Variants in EML4 observed in about 807,000 individuals in gnomAD.
EML4 encodes EMAP like 4.
A neutral mutation model predicts 129.0 loss-of-function variants in EML4; 72 were observed. The ratio of observed to expected loss-of-function variants is 0.56; its 90% CI spans 0.46 to 0.68. The LOEUF (loss-of-function observed/expected upper bound fraction) is 0.68. Among genes scored for constraint, EML4 ranks in the 30% least tolerant of loss-of-function variants. The pLI is 0.00. For missense variants in EML4, 1,363 were observed against 1,190.6 expected (o/e 1.14, Z -2.13); for synonymous variants, 532 against 405.0 (o/e 1.31, Z -3.77).
chr2:42,169,742 C>G, intron 1 of EML4, 106 bp downstream of exon 1: 1 of 1,305,084 alleles, frequency 7.7e-7, no homozygotes, highest in Non-Finnish European at 1.0e-6. Flanking sequence ...GGGGTGGCAG[C>G]GGCTCCACTG....
At chr2:42,312,575 A>G (rs987379376) in intron 17 of EML4, among the ~76,000 whole-genome samples, 19 of 147,352 alleles carry the variant, frequency 1.3e-4, no homozygotes, top group African/African-American at 4.6e-4. Context: ...TTTTTTTTAG[A>G]CGGGGTCTTG....
chr2:42,303,526 G>T (rs1008230888), intron 16 of EML4, 80 bp downstream of exon 16: 2 of 1,486,076 alleles, frequency 1.3e-6, no homozygotes, highest in African/African-American at 2.8e-5. Context: ...AAGTAAAAAG[G>T]ACTAAGTGTT....
At chr2:42,260,241 C>T (rs1185023480) in intron 3 of EML4, among the ~76,000 whole-genome samples, 2 of 152,264 alleles carry the variant, frequency 1.3e-5, no homozygotes, top group East Asian at 1.9e-4. Flanking sequence ...AATCTCCGCT[C>T]ACTGCAAACT....
At chr2:42,229,048 A>C (rs915839415) in intron 1 of EML4, among the ~76,000 whole-genome samples, 14 of 152,282 alleles carry the variant, frequency 9.2e-5, no homozygotes, top group African/African-American at 3.4e-4. Flanking sequence ...ATTAGAAACT[A>C]AGTTTTAGTA....
At chr2:42,316,127 A>G in intron 18 of EML4, 77 bp downstream of exon 18, 1 of 951,112 alleles carries the variant, frequency 1.1e-6, no homozygotes, top group Non-Finnish European at 1.7e-6. Flanking sequence ...TACTTCTAAT[A>G]AGGCTGACTA....
chr2:42,255,680 T>A (rs933750469), intron 2 of EML4, among the ~76,000 whole-genome samples: 1 of 152,166 alleles, frequency 6.6e-6, no homozygotes, highest in Non-Finnish European at 1.5e-5. Flanking sequence ...AAAAAATAAA[T>A]GCAGCAGGTC....
At chr2:42,237,370 T>G (rs1351702890) in intron 1 of EML4, among the ~76,000 whole-genome samples, 2 of 152,028 alleles carry the variant, frequency 1.3e-5, no homozygotes, top group Admixed American at 6.5e-5. Flanking sequence ...TATTTTATGG[T>G]TTTTTTGGTG....
At chr2:42,206,851 G>T (rs976389842) in intron 1 of EML4, among the ~76,000 whole-genome samples, 3 of 152,148 alleles carry the variant, frequency 2.0e-5, no homozygotes, top group Admixed American at 6.5e-5. Flanking sequence ...GACAGTCCTG[G>T]ATTCAAATTC....
At chr2:42,270,698 G>A (rs933772827) in intron 6 of EML4, among the ~76,000 whole-genome samples, 4 of 152,176 alleles carry the variant, frequency 2.6e-5, no homozygotes, top group Non-Finnish European at 4.4e-5. Context: ...CTGAGAGAGT[G>A]TGCAGTTTGA....
chr2:42,225,520 G>A (rs1341925799), intron 1 of EML4, among the ~76,000 whole-genome samples: 1 of 152,148 alleles, frequency 6.6e-6, no homozygotes, highest in Non-Finnish European at 1.5e-5. Context: ...AGTAAGTCTT[G>A]CTGAATTATT....
At chr2:42,283,395 G>C (rs867103500) in intron 8 of EML4, among the ~76,000 whole-genome samples, 132 of 152,276 alleles carry the variant, frequency 8.7e-4, no homozygotes, top group African/African-American at 2.9e-3. Flanking sequence ...AAATCTAGCT[G>C]AATAAGGATC....
chr2:42,205,604 G>C (rs13003241), intron 1 of EML4, among the ~76,000 whole-genome samples: 34,756 of 152,068 alleles, frequency 0.23, 4,794 homozygotes, highest in East Asian at 0.57. Flanking sequence ...GAAGGAAGTG[G>C]AAGATCTGTT....
intron 1 of EML4, among the ~76,000 whole-genome samples, chr2:42,221,337 A>C (rs1673579339): frequency 6.7e-6 from 1 of 150,154 alleles, no homozygotes; most frequent in South Asian, 2.1e-4. Flanking sequence ...TACCCTGCGC[A>C]TGTGTATGCT....
At chr2:42,290,217 C>T (rs1382991613) in intron 11 of EML4, among the ~76,000 whole-genome samples, 1 of 152,038 alleles carries the variant, frequency 6.6e-6, no homozygotes, top group Non-Finnish European at 1.5e-5. Flanking sequence ...ATTCAGGGGC[C>T]GGATTACGGG....
intron 17 of EML4, among the ~76,000 whole-genome samples, chr2:42,312,699 G>A (rs559151418): frequency 2.4e-4 from 37 of 151,816 alleles, no homozygotes; most frequent in African/African-American, 7.0e-4. Flanking sequence ...GACTACAGGC[G>A]CGTGCCACCA....
chr2:42,170,822 C>G (rs1403208334), intron 1 of EML4, among the ~76,000 whole-genome samples: 1 of 152,178 alleles, frequency 6.6e-6, no homozygotes, highest in African/African-American at 2.4e-5. Context: ...GTTCACTGAT[C>G]AGTGAGCAGT....
At chr2:42,268,382 T>A (rs1040136334) in intron 6 of EML4, among the ~76,000 whole-genome samples, 1 of 152,144 alleles carries the variant, frequency 6.6e-6, no homozygotes, top group East Asian at 1.9e-4. Context: ...CTGCAGGAGA[T>A]CCTAGAACCA....
chr2:42,221,422 T>C lies in EML4; in HGVS notation c.26-24083T>C, dbSNP rs935981634. On this transcript the variant is annotated intron_variant, in intron 1 of 22. Coordinates refer to ENST00000318522, the MANE Select transcript of EML4 (RefSeq NM_019063.5). ...GGTTTACTTTTTTTTTTTTTTTTTT[T>C]TTTTTGAGACAGGACCTTGCTTTGT... is the stretch of plus-strand genomic sequence containing the variant. 1.8e-3 allele frequency among the ~76,000 whole-genome samples: 215 copies of C among 118,850 alleles called. 3 individuals carry two copies. The highest frequency in any genetic ancestry group is 7.4e-3 in the African/African-American group (208 of 28,026). The allele number at this position is 118,850 out of a possible 152,430, so 78.0% of individuals were successfully genotyped here. A position where few individuals can be genotyped will look rare whatever the true frequency, so the allele number is the denominator to read the frequency against.
intron 1 of EML4, among the ~76,000 whole-genome samples, chr2:42,182,962 G>GA (rs1553358352): frequency 6.6e-6 from 1 of 151,918 alleles, no homozygotes; most frequent in Non-Finnish European, 1.5e-5. Context: ...ATTGGATGAG[G>GA]CCCCCCCACA....
Sources: gnomAD v4.1 joint callset for allele counts (sites outside exome capture counted in the v4.1 genomes callset) on GRCh38, gnomAD v4.1.1 for gene constraint, MANE v1.5 for transcripts, NCBI Gene and HGNC (gene_info 2026-07-23, HGNC 2026-07-21) for gene names.